UPF2: variants seen among roughly 807,000 people sequenced by gnomAD.
UPF2 encodes regulator of nonsense transcripts 2.
UPF2 carries 17 observed loss-of-function variants against 141.4 expected under a neutral mutation model. That is an observed-to-expected ratio of 0.12 (90% CI 0.08 to 0.18). The LOEUF is 0.18. Ranked by LOEUF, UPF2 falls within the 10% of genes least tolerant of loss-of-function variation. The pLI is 1.00. For missense variants in UPF2, 1,152 were observed against 1,515.9 expected, an observed-to-expected ratio of 0.76 and a Z score of 3.99; for synonymous variants, 540 against 498.0, an observed-to-expected ratio of 1.08 and a Z score of -1.12.
Position 11,992,416 on chromosome 10 carries a change from A to T in UPF2, c.1844+5256T>A, listed in dbSNP as rs1833794251. ...TAACTAATATCAGATGAGTGACTAA[A>T]GAGAGTAAGAAAAGAAGACACCACA... On this transcript the variant is annotated intron_variant, in intron 8 of 21. Transcript: ENST00000357604. This position sits in a 1 kb window ranked among gnomAD's most constrained non-coding sequence, Gnocchi z 4.1. Among the ~76,000 whole-genome samples, 1 of 152,230 alleles carries T rather than the reference A, an allele frequency of 6.6e-6. No homozygotes were observed. The highest frequency in any genetic ancestry group is 1.5e-5 in the Non-Finnish European group (1 of 68,040).
At chr10:11,932,913 G>C (rs1832800033) in intron 19 of UPF2, among the ~76,000 whole-genome samples, 1 of 152,078 alleles carries the variant, frequency 6.6e-6, no homozygotes, top group African/African-American at 2.4e-5. Context: ...TGGTTTGTCT[G>C]CCAGTATTAA....
rs9424137 is a variant in UPF2 at position 12,016,112 on chromosome 10, C to T, written c.1146-1928G>A. Reference sequence around the variant, plus strand: ...CAAAAACCCATAGCATTTTAACATACTCATACCTATGAAAGACACAACATT... The same window carrying T: ...CAAAAACCCATAGCATTTTAACATATTCATACCTATGAAAGACACAACATT... On this transcript the variant is annotated intron_variant, in intron 3 of 21. Transcript: ENST00000357604. The surrounding 1 kb of genome is among the most constrained non-coding windows in gnomAD (Gnocchi z 4.1). 0.83 allele frequency among the ~76,000 whole-genome samples: 126,625 copies of T among 152,128 alleles called. 53,001 individuals are homozygous for T. The highest frequency in any genetic ancestry group is 0.88 in the Non-Finnish European group (60,175 of 68,020).
chr10:11,959,741 G>C lies in UPF2; in HGVS notation c.2185-385C>G, dbSNP rs1442683697. On this transcript the variant is annotated intron_variant, in intron 11 of 21. Transcript: ENST00000357604. The surrounding 1 kb of genome is among the most constrained non-coding windows in gnomAD (Gnocchi z 5.9). ...GCACTGCACTCCAGCCTGGGCAACA[G>C]CAAGACCCTGTCTCTTAAAAAAAAC... Among the ~76,000 whole-genome samples the C allele has an allele frequency of 6.6e-6, 1 of 152,006 alleles. No homozygotes were observed. Among genetic ancestry groups the C allele is most frequent in the Non-Finnish European group, 1.5e-5 (1 of 68,002 alleles).
chr10:12,000,716 G>A (rs1285156291), intron 6 of UPF2, among the ~76,000 whole-genome samples: 6 of 152,172 alleles, frequency 3.9e-5, no homozygotes, highest in South Asian at 2.1e-4. Context: ...TGATGCAGGA[G>A]GATGACTTGA....
At chr10:11,996,958 G>A (rs1286605641) in intron 8 of UPF2, among the ~76,000 whole-genome samples, 1 of 152,062 alleles carries the variant, frequency 6.6e-6, no homozygotes, top group Non-Finnish European at 1.5e-5. Context: ...ATCTGTCTGA[G>A]CTATGTCATA....
At chr10:12,013,674 AT>A (rs1834170141) in intron 4 of UPF2, among the ~76,000 whole-genome samples, 1 of 152,172 alleles carries the variant, frequency 6.6e-6, no homozygotes. Flanking sequence ...ATGAGTTATT[AT>A]TTTCTAGGTC....
chr10:11,986,587 T>C (rs528460572), intron 8 of UPF2, among the ~76,000 whole-genome samples: 1 of 152,246 alleles, frequency 6.6e-6, no homozygotes, highest in Non-Finnish European at 1.5e-5. Flanking sequence ...CAAAAATGCC[T>C]GGAAAAAAAT....
chr10:12,029,608 G>A, intron 2 of UPF2, 84 bp from the exon 3 acceptor site: 3 of 1,394,432 alleles, frequency 2.2e-6, no homozygotes, highest in Non-Finnish European at 2.9e-6. Flanking sequence ...AAAAGCCAAT[G>A]AAAAAAATTA....
In UPF2 at chr10:11,943,271, T is replaced by C. The variant is rs193183827; in HGVS notation, c.3175-103A>G. 1.3e-5 allele frequency: 13 copies of C among 1,030,376 alleles called. No individual in the cohort carries two copies. In the Admixed American group the frequency reaches 1.5e-4, roughly 12 times the overall value. 63.8% of individuals were successfully genotyped at this position (1,030,376 alleles called of 1,614,324 possible). A position where few individuals can be genotyped will look rare whatever the true frequency, so the allele number is the denominator to read the frequency against. ...AAACTTCTGTATAATTGTTTATTAT[T>C]CTCAAGTTTTAGCTCTTTAGGTAGT... On this transcript the variant is annotated intron_variant, in intron 16 of 21. Transcript: ENST00000357604.
At chr10:11,947,932 C>T (rs1044571617) in intron 16 of UPF2, among the ~76,000 whole-genome samples, 10 of 151,390 alleles carry the variant, frequency 6.6e-5, no homozygotes, top group Non-Finnish European at 1.0e-4. Flanking sequence ...AAACATACTA[C>T]TAGTTACATT....
intron 8 of UPF2, among the ~76,000 whole-genome samples, chr10:11,989,087 A>G (rs1301776835): frequency 6.6e-6 from 1 of 152,232 alleles, no homozygotes; most frequent in African/African-American, 2.4e-5. Context: ...ATCAATAAAA[A>G]TATACAGCCA....
chr10:11,976,032 A>AAATC (rs1376020499), intron 9 of UPF2, among the ~76,000 whole-genome samples: 1 of 152,166 alleles, frequency 6.6e-6, no homozygotes, highest in African/African-American at 2.4e-5. Context: ...AGGGCTCTTG[A>AAATC]AATCTAGTGC....
At chr10:11,929,026 T>C (rs559003141) in intron 21 of UPF2, among the ~76,000 whole-genome samples, 2 of 152,098 alleles carry the variant, frequency 1.3e-5, no homozygotes, top group African/African-American at 4.8e-5. Flanking sequence ...GCATGCCCTA[T>C]TGTCCCAGCT....
chr10:11,984,636 T>A (rs372709124), intron 8 of UPF2, among the ~76,000 whole-genome samples: 34 of 152,024 alleles, frequency 2.2e-4, no homozygotes, highest in African/African-American at 7.7e-4. Context: ...GGTCTGTCCC[T>A]TGCACTTCAC....
chr10:11,921,863 T>C lies in UPF2; in HGVS notation c.3810-556A>G, dbSNP rs959001771. The stretch of plus-strand genomic sequence containing the variant: ...ATTCACAGTTTGTGTTATGGTTCAG[T>C]TGTGTATCCCCAAAATTCACATGTT... On this transcript the variant is annotated intron_variant, in intron 21 of 21. Coordinates refer to ENST00000357604, the MANE Select transcript of UPF2 (RefSeq NM_015542.4). The surrounding 1 kb of genome is among the most constrained non-coding windows in gnomAD (Gnocchi z 5.9). 2.6e-5 allele frequency among the ~76,000 whole-genome samples: 4 copies of C among 152,178 alleles called. No individual in the cohort carries two copies. The highest frequency in any genetic ancestry group is 9.7e-5 in the African/African-American group (4 of 41,436).
chr10:12,015,468 G>A (rs1045649244), intron 3 of UPF2, among the ~76,000 whole-genome samples: 8 of 152,200 alleles, frequency 5.3e-5, no homozygotes, highest in Non-Finnish European at 8.8e-5. Context: ...CTGGGAGGAC[G>A]AGGCAGGCGG....
chr10:11,968,288 G>A (rs568514817), intron 9 of UPF2, among the ~76,000 whole-genome samples: 16 of 152,266 alleles, frequency 1.1e-4, no homozygotes, highest in Non-Finnish European at 1.8e-4. Flanking sequence ...TTCCATGGTC[G>A]AGTAATTTGG....
intron 21 of UPF2, among the ~76,000 whole-genome samples, chr10:11,922,365 C>T (rs1832656232): frequency 6.6e-6 from 1 of 152,146 alleles, no homozygotes; most frequent in Admixed American, 6.5e-5. Context: ...CGTTAAGATG[C>T]AAATATGGAA....
chr10:11,934,633 A>G (rs2131157327), intron 19 of UPF2, among the ~76,000 whole-genome samples: 1 of 152,356 alleles, frequency 6.6e-6, no homozygotes, highest in South Asian at 2.1e-4. Context: ...TCTGTCGCCC[A>G]GGCTGGAGTA....
Sources: gnomAD v4.1 joint callset for allele counts (sites outside exome capture counted in the v4.1 genomes callset) on GRCh38, gnomAD v4.1.1 for gene constraint, Gnocchi (gnomAD v3.1) non-coding constraint, MANE v1.5 for transcripts, NCBI Gene and HGNC (gene_info 2026-07-23, HGNC 2026-07-21) for gene names.